Variants in ALDH2 observed in about 807,000 individuals in gnomAD.
ALDH2 encodes aldehyde dehydrogenase, mitochondrial.
Under a neutral mutation model 59.6 loss-of-function variants are expected in ALDH2, and 44 were observed. The observed-to-expected ratio is 0.74, with a 90% confidence interval of 0.58 to 0.95. The LOEUF (loss-of-function observed/expected upper bound fraction) is 0.95, where lower values mean the gene tolerates loss of function less well. Ranked by LOEUF, ALDH2 falls within the 40% of genes least tolerant of loss-of-function variation. The pLI, the probability that ALDH2 is intolerant of heterozygous loss-of-function variation, is 0.00. For missense variants in ALDH2, 570 were observed against 696.3 expected (o/e 0.82, Z 2.04); for synonymous variants, 291 against 284.0 (o/e 1.02, Z -0.25).
In ALDH2 at chr12:111,791,283, G is replaced by T. The variant is rs538111819; in HGVS notation, c.682-23G>T. The T allele has an allele frequency of 5.4e-5, 85 of 1,581,266 alleles. No homozygotes were observed. In the South Asian group the frequency reaches 8.6e-4, roughly 16 times the overall value. ...TCAGAATAGGAGGGTGACTCCCAAT[G>T]TCCCCTGGCTGTTTGCTCACAGGCT... On this transcript the variant is annotated intron_variant, in intron 6 of 12. Coordinates refer to ENST00000261733, the MANE Select transcript of ALDH2 (RefSeq NM_000690.4).
chr12:111,779,013 C>T (rs1228789821), intron 1 of ALDH2, among the ~76,000 whole-genome samples: 2 of 151,980 alleles, frequency 1.3e-5, no homozygotes, highest in Admixed American at 1.3e-4. Context: ...CACGCAACCA[C>T]ACCTGGCTAA....
At chr12:111,774,325 C>T (rs750006261) in intron 1 of ALDH2, among the ~76,000 whole-genome samples, 5 of 152,076 alleles carry the variant, frequency 3.3e-5, no homozygotes, top group Non-Finnish European at 7.4e-5. Context: ...TGTGGCATTC[C>T]GTGTTTGTCT....
intron 1 of ALDH2, among the ~76,000 whole-genome samples, chr12:111,778,351 C>T (rs1280643266): frequency 1.3e-5 from 2 of 152,022 alleles, no homozygotes; most frequent in Admixed American, 6.6e-5. Context: ...TGGAGACCAG[C>T]CTGGCCAACA....
chr12:111,791,234 T>A, intron 6 of ALDH2, 72 bp from the exon 7 acceptor site: 1 of 1,137,980 alleles, frequency 8.8e-7, no homozygotes, highest in Non-Finnish European at 1.3e-6. Flanking sequence ...TGAGAAAGGA[T>A]GTGTCTTCCC....
In ALDH2 at chr12:111,809,841, C is replaced by G; in HGVS notation, c.*266C>G. ...AAAAAATAGATTCAAATGTGTTATC[C>G]TCTCTCTGAAACGCTTCCTATAACT... On this transcript the variant is annotated 3_prime_UTR_variant, in exon 13 of 13. Transcript: ENST00000261733. 1 of 527,782 alleles carries G rather than the reference C, an allele frequency of 1.9e-6. No homozygotes were observed. The highest frequency in any genetic ancestry group is 3.4e-6 in the Non-Finnish European group (1 of 296,632). 32.7% of individuals were successfully genotyped at this position (527,782 alleles called of 1,614,324 possible). A position where few individuals can be genotyped will look rare whatever the true frequency, so the allele number is the denominator to read the frequency against.
intron 1 of ALDH2, among the ~76,000 whole-genome samples, chr12:111,779,921 C>T (rs1017909687): frequency 6.6e-6 from 1 of 152,164 alleles, no homozygotes; most frequent in Non-Finnish European, 1.5e-5. Context: ...GACGGAGTTT[C>T]ACTCTCGTTG....
chr12:111,781,879 G>C, intron 1 of ALDH2, 39 bp from the exon 2 acceptor site: 1 of 1,453,662 alleles, frequency 6.9e-7, no homozygotes, highest in South Asian at 1.1e-5. Context: ...GTATTAGGTT[G>C]ACAGCTGGTC....
intron 11 of ALDH2, among the ~76,000 whole-genome samples, chr12:111,802,450 G>A (rs2068460113): frequency 6.7e-6 from 1 of 150,266 alleles, no homozygotes; most frequent in Non-Finnish European, 1.5e-5. Context: ...GCGCAGTGGT[G>A]GGCACCTGTA....
At chr12:111,784,956 G>A (rs2068298967) in intron 3 of ALDH2, among the ~76,000 whole-genome samples, 1 of 152,184 alleles carries the variant, frequency 6.6e-6, no homozygotes, top group African/African-American at 2.4e-5. Context: ...TCTTTGCTCT[G>A]TAAGCTCCAC....
At chr12:111,787,953 G>A (rs1454400648) in intron 4 of ALDH2, among the ~76,000 whole-genome samples, 3 of 151,968 alleles carry the variant, frequency 2.0e-5, no homozygotes, top group African/African-American at 7.3e-5. Flanking sequence ...GCAGGAGAAT[G>A]GTGTGAACCT....
intron 12 of ALDH2, among the ~76,000 whole-genome samples, chr12:111,807,195 G>A (rs1285268008): frequency 3.9e-5 from 6 of 152,026 alleles, no homozygotes; most frequent in South Asian, 2.1e-4. Flanking sequence ...CTCGGGAGGC[G>A]GAGCTTGCAG....
At chr12:111,789,956 T>C (rs1414363839) in intron 5 of ALDH2, 22 bp downstream of exon 5, 4 of 1,602,730 alleles carry the variant, frequency 2.5e-6, no homozygotes, top group African/African-American at 2.7e-5. Context: ...CTCCCTGGAG[T>C]TTCTTCAGGG....
At position 111,798,134 on chromosome 12, in the gene ALDH2, G is replaced by A. The variant is rs150253385; in HGVS notation, c.1140G>A (p.Glu380=). 7 of 1,613,882 alleles carry A rather than the reference G, an allele frequency of 4.3e-6. No individual in the cohort carries two copies. In the East Asian group the frequency reaches 1.1e-4, roughly 26 times the overall value. ...ILGYINTGKQ[E]GAKLLCGGGI... ...GCTACATCAACACGGGGAAGCAAGAGGGGGCGAAGCTGCTGTGTGGTGGGG... is the reference window on the plus strand; with the variant it reads ...GCTACATCAACACGGGGAAGCAAGAAGGGGCGAAGCTGCTGTGTGGTGGGG... Residue 380 remains glutamate (E), a synonymous_variant, in exon 10 of 13, where the codon GAG becomes GAA. Transcript: ENST00000261733.
intron 9 of ALDH2, among the ~76,000 whole-genome samples, chr12:111,795,661 G>A (rs1272003006): frequency 2.7e-5 from 4 of 145,808 alleles, no homozygotes; most frequent in East Asian, 2.1e-4. Context: ...GCACGATCTC[G>A]GCTCACTGCA....
Position 111,783,308 on chromosome 12 carries a change from C to T in ALDH2, c.360+10C>T, listed in dbSNP as rs776618281. 13 of 1,595,554 alleles carry T rather than the reference C, an allele frequency of 8.1e-6. No homozygotes were observed. In the South Asian group the frequency reaches 1.2e-4, roughly 15 times the overall value. On this transcript the variant is annotated intron_variant, in intron 3 of 12. Transcript: ENST00000261733. ...CCGGACCTACCTGGCGGTGAGTCCT[C>T]AGCCCTTCTCCCCCTCAGATCCCAT...
At position 111,814,537 on chromosome 12, in the gene ALDH2, CAAAAAAAAAAA is replaced by C. The variant is rs34634862; in HGVS notation, c.*4972_*4982del. On this transcript the variant is annotated 3_prime_UTR_variant, in exon 13 of 13. Coordinates refer to ENST00000261733, the MANE Select transcript of ALDH2 (RefSeq NM_000690.4). Reference sequence around the variant, plus strand: ...CCTGGGTGACAGAACGAGACTGTCTCAAAAAAAAAAAAAAAAAAAAGTGGCCAGGTGGTGCC... The same window carrying C: ...CCTGGGTGACAGAACGAGACTGTCTCAAAAAAAAAGTGGCCAGGTGGTGCC... 1 of 56,298 alleles carries C rather than the reference CAAAAAAAAAAA, an allele frequency of 1.8e-5. No individual in the cohort carries two copies. The highest frequency in any genetic ancestry group is 1.8e-4 in the Admixed American group (1 of 5,636). 3.5% of individuals were successfully genotyped at this position (56,298 alleles called of 1,614,324 possible).
chr12:111,777,388 G>A (rs1227776170), intron 1 of ALDH2, among the ~76,000 whole-genome samples: 3 of 152,134 alleles, frequency 2.0e-5, no homozygotes, highest in African/African-American at 7.2e-5. Context: ...CTTCCTCCCT[G>A]GGTGGGGGAG....
rs953241372 is a variant in ALDH2, at chr12:111,814,578, C to G, written c.*5003C>G. On this transcript the variant is annotated 3_prime_UTR_variant, in exon 13 of 13. Coordinates refer to ENST00000261733, the MANE Select transcript of ALDH2 (RefSeq NM_000690.4). ...AAAAAGTGGCCAGGTGGTGCCATGG[C>G]TCATGCCTGTAATCTCAGCATTTTG... is the stretch of plus-strand genomic sequence containing the variant. 1 of 149,272 alleles carries G rather than the reference C, an allele frequency of 6.7e-6. No homozygotes were observed. Among genetic ancestry groups the G allele is most frequent in the African/African-American group, 2.5e-5 (1 of 40,492 alleles). 9.2% of individuals were successfully genotyped at this position (149,272 alleles called of 1,614,324 possible). A position where few individuals can be genotyped will look rare whatever the true frequency, so the allele number is the denominator to read the frequency against.
At chr12:111,784,871 A>AG (rs2068298357) in intron 3 of ALDH2, among the ~76,000 whole-genome samples, 1 of 152,188 alleles carries the variant, frequency 6.6e-6, no homozygotes, top group African/African-American at 2.4e-5. Context: ...CTGGGATTAT[A>AG]GCTGCAAGTC....
Sources: gnomAD v4.1 joint callset for allele counts (sites outside exome capture counted in the v4.1 genomes callset) on GRCh38, gnomAD v4.1.1 for gene constraint, MANE v1.5 for transcripts, NCBI Gene and HGNC (gene_info 2026-07-23, HGNC 2026-07-21) for gene names.